IL17RB: variants seen among roughly 807,000 people sequenced by gnomAD.
IL17RB encodes the protein interleukin 17 receptor B, also known as interleukin-17 receptor B.
Under a neutral mutation model 43.9 loss-of-function variants are expected in IL17RB, and 36 were observed. That is an observed-to-expected ratio of 0.82 (90% CI 0.63 to 1.08). IL17RB has a LOEUF of 1.08. Among genes scored for constraint, IL17RB ranks in the 50% least tolerant of loss-of-function variants. IL17RB has a pLI of 0.00. For synonymous variants in IL17RB, 225 were observed against 225.4 expected (o/e 1.00, Z 0.02); for missense variants, 613 against 613.6 (o/e 1.00, Z 0.01).
Position 53,850,825 on chromosome 3 carries a change from TAAAA to T in IL17RB, c.226+1031_226+1034del, listed in dbSNP as rs567359436. 9.1e-3 allele frequency among the ~76,000 whole-genome samples: 1,176 copies of T among 128,548 alleles called. 18 individuals carry two copies. Among genetic ancestry groups the T allele is most frequent in the African/African-American group, 0.037 (1,116 of 30,156 alleles). 84.3% of individuals were successfully genotyped at this position (128,548 alleles called of 152,430 possible). The stretch of plus-strand genomic sequence containing the variant: ...CAAAATAAAATAAAATAAAATAAAA[TAAAA>T]GTCAGGGTAGTGGTTCCTGCTGGGG... On this transcript the variant is annotated intron_variant, in intron 3 of 10. Coordinates refer to ENST00000288167, the MANE Select transcript of IL17RB (RefSeq NM_018725.4).
rs753618327 is a variant in IL17RB, at chr3:53,856,986, G to C, written c.672G>C (p.Glu224Asp). ...STIIGFSQVFEPHQKKQTRAS... is the reference protein window; with the variant it reads ...STIIGFSQVFDPHQKKQTRAS... ...TCATCGGGTTTTCTCAGGTGTTTGA[G>C]GTACTTTTTCTCTTCGTCCCCTTCA... The change falls in exon 7 of 11, where the codon GAG becomes GAC. Residue 224 changes from glutamate (E) to aspartate (D), a missense_variant and splice_region_variant. Physicochemically the swap from Glu to Asp is conservative, Grantham distance 45 (BLOSUM62 2). Coordinates refer to ENST00000288167, the MANE Select transcript of IL17RB (RefSeq NM_018725.4). The C allele has an allele frequency of 6.2e-6, 10 of 1,613,726 alleles. No individual in the cohort carries two copies. Among genetic ancestry groups the C allele is most frequent in the Non-Finnish European group, 2.5e-6 (3 of 1,180,038 alleles).
chr3:53,865,143 TAG>T lies in IL17RB; in HGVS notation c.1350_1351del (p.Glu450AspfsTer2), dbSNP rs1699737930. 15 of 1,614,198 alleles carry T rather than the reference TAG, an allele frequency of 9.3e-6. No individual in the cohort carries two copies. Among genetic ancestry groups the T allele is most frequent in the Non-Finnish European group, 1.3e-5 (15 of 1,180,038 alleles). On this transcript the variant is annotated frameshift_variant, in exon 11 of 11. Transcript: ENST00000288167. LOFTEE classifies it low-confidence loss of function (END_TRUNC). ...TGCACAAATACGTGGTGGTCTACTT[TAG>T]AGAGATTGATACAAAAGACGATTAC... is the stretch of plus-strand genomic sequence containing the variant. ...HLHKYVVVYFREIDTKDDYNA... is the reference protein window; with the variant it reads ...HLHKYVVVYFXEIDTKDDYNA...
chr3:53,858,683 T>C lies in IL17RB; in HGVS notation c.748-36T>C, dbSNP rs376919893. ...CTTGGTGAGATTTTGCTCTGATGCATGGTGTGAACTTTCTGAGCCTCTTGT... is the reference window on the plus strand; with the variant it reads ...CTTGGTGAGATTTTGCTCTGATGCACGGTGTGAACTTTCTGAGCCTCTTGT... On this transcript the variant is annotated intron_variant, in intron 8 of 10. Coordinates refer to ENST00000288167, the MANE Select transcript of IL17RB (RefSeq NM_018725.4). 1,167 of 1,610,140 alleles carry C rather than the reference T, an allele frequency of 7.2e-4. 1 individual carries two copies. Among genetic ancestry groups the C allele is most frequent in the Non-Finnish European group, 9.2e-4 (1,089 of 1,177,714 alleles).
intron 1 of IL17RB, among the ~76,000 whole-genome samples, chr3:53,847,496 A>T (rs1698962490): frequency 6.6e-6 from 1 of 151,936 alleles, no homozygotes; most frequent in South Asian, 2.1e-4. Context: ...AAAAAAAAAA[A>T]AAAAAAGTCA....
intron 2 of IL17RB, 114 bp from the exon 3 acceptor site, chr3:53,849,541 A>AAT: frequency 4.1e-6 from 4 of 976,572 alleles, no homozygotes; most frequent in Non-Finnish European, 5.8e-6. Flanking sequence ...TAAAAAAAAA[A>AAT]GAAGTGAGGA....
chr3:53,864,809 T>C lies in IL17RB; in HGVS notation c.1010T>C (p.Val337Ala). ...CTGCCCCCCATTAAGGTTCTTGTGG[T>C]TTACCCATCTGAAATATGTTTCCAT... The part of the protein sequence containing the change: ...TLLPPIKVLV[V>A]YPSEICFHHT... The change falls in exon 11 of 11, where the codon GTT (valine) becomes GCT (alanine). Residue 337 changes from valine to alanine, a missense_variant. Transcript: ENST00000288167. The C allele has an allele frequency of 6.2e-7, 1 of 1,614,112 alleles. No individual in the cohort carries two copies.
At chr3:53,851,772 G>A (rs3774620) in intron 3 of IL17RB, among the ~76,000 whole-genome samples, 69,053 of 151,698 alleles carry the variant, frequency 0.46, 18,019 homozygotes, top group Non-Finnish European at 0.6. Context: ...ATCTGAATTC[G>A]TATCTGCTAC....
intron 10 of IL17RB, among the ~76,000 whole-genome samples, chr3:53,862,495 C>T (rs1010364561): frequency 2.0e-5 from 3 of 152,140 alleles, no homozygotes; most frequent in Non-Finnish European, 1.5e-5. Context: ...ACAGGATTTA[C>T]AACAGAGCCA....
At chr3:53,851,873 A>G in intron 3 of IL17RB, 126 bp from the exon 4 acceptor site, 1 of 1,086,934 alleles carries the variant, frequency 9.2e-7, no homozygotes, top group Non-Finnish European at 1.3e-6. Context: ...AGTGGTGCCT[A>G]CCTTTCAGTA....
chr3:53,855,853 G>A (rs1237122542), intron 6 of IL17RB, among the ~76,000 whole-genome samples: 1 of 152,178 alleles, frequency 6.6e-6, no homozygotes, highest in Non-Finnish European at 1.5e-5. Flanking sequence ...ACTTTTCACA[G>A]GCTAGTGAAT....
At chr3:53,858,545 G>T in intron 8 of IL17RB, 174 bp from the exon 9 acceptor site, 3 of 1,433,196 alleles carry the variant, frequency 2.1e-6, no homozygotes, top group Non-Finnish European at 2.7e-6. Flanking sequence ...CGGGTCACTG[G>T]TTTTGACTTT....
At position 53,852,051 on chromosome 3, in the gene IL17RB, C is replaced by T; in HGVS notation, c.279C>T (p.Asn93=). ...ATKICVTGKS[N]FQSYSCVRCN... is the part of the protein sequence containing the mutation. The stretch of plus-strand genomic sequence containing the variant: ...AGATTTGTGTGACGGGCAAAAGCAA[C>T]TTCCAGTCCTACAGCTGTGTGAGGT... The change falls in exon 4 of 11, where the codon AAC becomes AAT. Residue 93 remains asparagine, a synonymous_variant. Coordinates refer to ENST00000288167, the MANE Select transcript of IL17RB (RefSeq NM_018725.4). The T allele has an allele frequency of 6.2e-7, 1 of 1,614,190 alleles. No individual in the cohort carries two copies. Among genetic ancestry groups the T allele is most frequent in the Non-Finnish European group, 8.5e-7 (1 of 1,180,038 alleles).
At chr3:53,850,578 T>C (rs1014672715) in intron 3 of IL17RB, among the ~76,000 whole-genome samples, 5 of 143,738 alleles carry the variant, frequency 3.5e-5, no homozygotes, top group African/African-American at 7.9e-5. Context: ...CCAAGGCGGG[T>C]AGATTACTTG....
rs182278139 is a variant in IL17RB at position 53,856,935 on chromosome 3, C to T, written c.621C>T (p.Tyr207=). The T allele has an allele frequency of 7.6e-5, 122 of 1,614,090 alleles. No homozygotes were observed. The Admixed American group carries it at 2.0e-3, about 27-fold the overall frequency. The change falls in exon 7 of 11, where the codon TAC becomes TAT. Residue 207 remains tyrosine, a synonymous_variant. Coordinates refer to ENST00000288167, the MANE Select transcript of IL17RB (RefSeq NM_018725.4). ...NFTTTPLGNR[Y]MALIQHSTII... ...CAACCACTCCCCTGGGAAACAGATACATGGCTCTTATCCAACACAGCACTA... is the reference window on the plus strand; with the variant it reads ...CAACCACTCCCCTGGGAAACAGATATATGGCTCTTATCCAACACAGCACTA...
At position 53,860,229 on chromosome 3, in the gene IL17RB, G is replaced by A. The variant is rs1326929777; in HGVS notation, c.946+1G>A. On this transcript the variant is annotated splice_donor_variant, in intron 10 of 10. Coordinates refer to ENST00000288167, the MANE Select transcript of IL17RB (RefSeq NM_018725.4). LOFTEE classifies it high-confidence loss of function. Reference sequence around the variant, plus strand: ...GGGATCTATCTAATGTGGAGGCACGGTAAGGGTTATAATTCTTTAAAGACA... The same window carrying A: ...GGGATCTATCTAATGTGGAGGCACGATAAGGGTTATAATTCTTTAAAGACA... 2 of 1,607,938 alleles carry A rather than the reference G, an allele frequency of 1.2e-6. No individual in the cohort carries two copies. The highest frequency in any genetic ancestry group is 8.5e-7 in the Non-Finnish European group (1 of 1,176,174).
intron 10 of IL17RB, among the ~76,000 whole-genome samples, chr3:53,862,098 C>A (rs1699583589): frequency 6.6e-6 from 1 of 152,168 alleles, no homozygotes; most frequent in Non-Finnish European, 1.5e-5. Context: ...TCCACTGATG[C>A]TTTGTCCCTG....
chr3:53,864,895 G>A lies in IL17RB; in HGVS notation c.1096G>A (p.Glu366Lys). ...CCATTGCAGAAGTGAGGTCATCCTTGAAAAGTGGCAGAAAAAGAAAATAGC... is the reference window on the plus strand; with the variant it reads ...CCATTGCAGAAGTGAGGTCATCCTTAAAAAGTGGCAGAAAAAGAAAATAGC... The part of the protein sequence containing the change: ...QNHCRSEVIL[E>K]KWQKKKIAEM... Residue 366 changes from glutamate (E) to lysine (K), a missense_variant, in exon 11 of 11, where the codon GAA (glutamate) becomes AAA (lysine). Transcript: ENST00000288167. 6.2e-7 allele frequency: 1 copy of A among 1,614,196 alleles called. No homozygotes were observed. Among genetic ancestry groups the A allele is most frequent in the Non-Finnish European group, 8.5e-7 (1 of 1,180,042 alleles).
chr3:53,858,289 C>T, intron 8 of IL17RB: 5 of 967,692 alleles, frequency 5.2e-6, no homozygotes, highest in Non-Finnish European at 6.2e-6. Flanking sequence ...GGGCAGGCAC[C>T]AGCCAGGGTA....
chr3:53,857,873 G>A (rs1252096546), intron 8 of IL17RB, 183 bp downstream of exon 8: 7 of 601,570 alleles, frequency 1.2e-5, no homozygotes, highest in Non-Finnish European at 2.1e-5. Context: ...AGGCCGACGT[G>A]GCAGTTGTGG....
Sources: gnomAD v4.1 joint callset for allele counts (sites outside exome capture counted in the v4.1 genomes callset) on GRCh38, gnomAD v4.1.1 for gene constraint, MANE v1.5 for transcripts, NCBI Gene and HGNC (gene_info 2026-07-23, HGNC 2026-07-21) for gene names.